The following INPP4B variants were observed in gnomAD, a reference collection of about 807,000 sequenced individuals.
The protein encoded by INPP4B is inositol polyphosphate 4-phosphatase type II.
Under a neutral mutation model 122.5 loss-of-function variants are expected in INPP4B, and 55 were observed. The observed-to-expected ratio is 0.45, with a 90% CI of 0.36 to 0.56. The LOEUF (loss-of-function observed/expected upper bound fraction) is 0.56, where lower values mean the gene tolerates loss of function less well. Among genes scored for constraint, INPP4B ranks in the 20% least tolerant of loss-of-function variants. The pLI is 0.00. For synonymous variants in INPP4B, 403 were observed against 388.7 expected, an observed-to-expected ratio of 1.04 and a Z score of -0.43; for missense variants, 1,000 against 1,097.7, an observed-to-expected ratio of 0.91 and a Z score of 1.26.
At chr4:142,782,912 G>A (rs1472911611) in intron 1 of INPP4B, among the ~76,000 whole-genome samples, 4 of 152,160 alleles carry the variant, frequency 2.6e-5, no homozygotes, top group African/African-American at 9.7e-5. Flanking sequence ...AAGCAATGGG[G>A]AAAGGATTCC....
chr4:142,304,778 A>G (rs1762725837), intron 9 of INPP4B, among the ~76,000 whole-genome samples: 1 of 152,202 alleles, frequency 6.6e-6, no homozygotes, highest in Admixed American at 6.5e-5. Context: ...TAATTATGAA[A>G]GTTACTATAT....
At chr4:142,462,569 T>C (rs1473587637) in intron 3 of INPP4B, 94 bp downstream of exon 3, 1 of 152,200 alleles carries the variant, frequency 6.6e-6, no homozygotes, top group African/African-American at 2.4e-5. Context: ...CTAACTGGCA[T>C]TATTGTAAAA....
rs1201179731 is a variant in INPP4B at position 142,023,770 on chromosome 4, T to C, written c.*5012A>G. 1.3e-5 allele frequency: 2 copies of C among 151,834 alleles called. No individual in the cohort carries two copies. Among genetic ancestry groups the C allele is most frequent in the Non-Finnish European group, 2.9e-5 (2 of 67,888 alleles). The allele number at this position is 151,834 out of a possible 1,614,324, so 9.4% of individuals were successfully genotyped here. Reference sequence around the variant, plus strand: ...AAAGAACTGTATTTACTAAAATATATTTTTTTTGGCAAGATGTGATTTATC... The same window carrying C: ...AAAGAACTGTATTTACTAAAATATACTTTTTTTGGCAAGATGTGATTTATC... On this transcript the variant is annotated 3_prime_UTR_variant, in exon 26 of 26. Coordinates refer to ENST00000262992, the MANE Select transcript of INPP4B (RefSeq NM_001101669.3).
At chr4:142,309,512 A>AT (rs1764645218) in intron 8 of INPP4B, among the ~76,000 whole-genome samples, 1 of 152,194 alleles carries the variant, frequency 6.6e-6, no homozygotes, top group African/African-American at 2.4e-5. Flanking sequence ...TAGTCTGTAG[A>AT]TAAGGAACTG....
intron 15 of INPP4B, among the ~76,000 whole-genome samples, chr4:142,187,611 A>G (rs2636667): frequency 0.99 from 150,774 of 151,806 alleles, 74,881 homozygotes; most frequent in East Asian, 1. Context: ...TTTTTTTTTG[A>G]GACAGGGCCT....
At chr4:142,333,405 C>T (rs1040074001) in intron 7 of INPP4B, among the ~76,000 whole-genome samples, 9 of 152,166 alleles carry the variant, frequency 5.9e-5, no homozygotes, top group Middle Eastern at 3.2e-3. Context: ...TCGTTGAAAA[C>T]GAAGGAATGT....
intron 1 of INPP4B, among the ~76,000 whole-genome samples, chr4:142,836,575 C>A (rs1782801678): frequency 6.6e-6 from 1 of 151,902 alleles, no homozygotes; most frequent in African/African-American, 2.4e-5. Flanking sequence ...TAATCCTTAT[C>A]TCACATCATA....
At chr4:142,329,054 C>CT (rs1336831500) in intron 7 of INPP4B, among the ~76,000 whole-genome samples, 2 of 152,196 alleles carry the variant, frequency 1.3e-5, no homozygotes, top group East Asian at 3.8e-4. Flanking sequence ...CTGATCTGTC[C>CT]TTTTAAGTAC....
intron 7 of INPP4B, among the ~76,000 whole-genome samples, chr4:142,392,062 C>A (rs1159824595): frequency 1.3e-5 from 2 of 152,194 alleles, no homozygotes; most frequent in African/African-American, 4.8e-5. Context: ...AAGACCAAAT[C>A]TTCTGAGAAT....
intron 1 of INPP4B, among the ~76,000 whole-genome samples, chr4:142,832,294 T>C (rs1782243924): frequency 6.6e-6 from 1 of 152,146 alleles, no homozygotes; most frequent in South Asian, 2.1e-4. Context: ...TAATGTGTTT[T>C]AGACCATGAA....
At chr4:142,266,156 A>G (rs1742689020) in intron 10 of INPP4B, among the ~76,000 whole-genome samples, 2 of 152,136 alleles carry the variant, frequency 1.3e-5, no homozygotes, top group African/African-American at 2.4e-5. Context: ...ATCTTGATGC[A>G]AGTGTTCATG....
chr4:142,270,885 GACA>G (rs1745445152), intron 9 of INPP4B, 111 bp from the exon 10 acceptor site: 1 of 708,050 alleles, frequency 1.4e-6, no homozygotes, highest in Non-Finnish European at 2.5e-6. Context: ...TACTTAATAA[GACA>G]ACATCTGCAT....
chr4:142,258,235 A>G (rs571630160), intron 11 of INPP4B, among the ~76,000 whole-genome samples: 1 of 152,216 alleles, frequency 6.6e-6, no homozygotes, highest in Non-Finnish European at 1.5e-5. Flanking sequence ...CGTTACACCT[A>G]AAACCATAAA....
chr4:142,520,430 A>C (rs935152344), intron 2 of INPP4B, among the ~76,000 whole-genome samples: 4 of 151,958 alleles, frequency 2.6e-5, no homozygotes, highest in African/African-American at 9.7e-5. Flanking sequence ...AGTAGGGATG[A>C]GAGGTGTTTG....
At chr4:142,793,801 T>C (rs1179368663) in intron 1 of INPP4B, among the ~76,000 whole-genome samples, 1 of 151,968 alleles carries the variant, frequency 6.6e-6, no homozygotes. Flanking sequence ...AAGATGCTAC[T>C]TTAAAATAGC....
At chr4:142,797,588 A>C (rs950813359) in intron 1 of INPP4B, among the ~76,000 whole-genome samples, 2 of 151,980 alleles carry the variant, frequency 1.3e-5, no homozygotes, top group African/African-American at 4.8e-5. Flanking sequence ...AAAGAAAACA[A>C]ATCTAGACAA....
chr4:142,052,208 A>G (rs1330741652), intron 25 of INPP4B, among the ~76,000 whole-genome samples: 1 of 152,138 alleles, frequency 6.6e-6, no homozygotes, highest in East Asian at 1.9e-4. Context: ...TTATACCTTT[A>G]ATAACTTTAA....
At chr4:142,240,755 T>C (rs1561580001) in intron 11 of INPP4B, among the ~76,000 whole-genome samples, 1 of 152,180 alleles carries the variant, frequency 6.6e-6, no homozygotes, top group Non-Finnish European at 1.5e-5. Context: ...GAATACCTCC[T>C]ATGTATCATA....
intron 1 of INPP4B, among the ~76,000 whole-genome samples, chr4:142,730,184 T>C (rs1765879935): frequency 6.6e-6 from 1 of 152,202 alleles, no homozygotes; most frequent in African/African-American, 2.4e-5. Context: ...TCTACCCAGT[T>C]CTTACACTCC....
Sources: gnomAD v4.1 joint callset for allele counts (sites outside exome capture counted in the v4.1 genomes callset) on GRCh38, gnomAD v4.1.1 for gene constraint, MANE v1.5 for transcripts, NCBI Gene and HGNC (gene_info 2026-07-23, HGNC 2026-07-21) for gene names.